The following ADGRL1 variants were observed in gnomAD, a reference collection of about 807,000 sequenced individuals.
ADGRL1 encodes adhesion G protein-coupled receptor L1.
ADGRL1 carries 31 observed loss-of-function variants against 148.9 expected under a neutral mutation model. The observed-to-expected ratio is 0.21, with a 90% CI of 0.16 to 0.28. ADGRL1 has a LOEUF of 0.28. Ranked by LOEUF, ADGRL1 falls within the 10% of genes least tolerant of loss-of-function variation. The pLI is 1.00. For synonymous variants in ADGRL1, 937 were observed against 900.3 expected, an observed-to-expected ratio of 1.04 and a Z score of -0.73; for missense variants, 1,521 against 2,058.8, an observed-to-expected ratio of 0.74 and a Z score of 5.05.
In ADGRL1 at chr19:14,160,016, G is replaced by C. The variant is rs1180488437; in HGVS notation, c.1800+96C>G. ...CCTCTCTGAGGAAAGGAGTGGAGGT[G>C]GCAGCCTGGCTGGGAGGTACCAGGT... is the stretch of plus-strand genomic sequence containing the variant. On this transcript the variant is annotated intron_variant, in intron 8 of 22. Coordinates refer to ENST00000361434, the MANE Select transcript of ADGRL1 (RefSeq NM_014921.5). The surrounding 1 kb of genome is among the most constrained non-coding windows in gnomAD (Gnocchi z 5.9). 34 of 1,317,326 alleles carry C rather than the reference G, an allele frequency of 2.6e-5. No individual in the cohort carries two copies. Among genetic ancestry groups the C allele is most frequent in the Non-Finnish European group, 3.2e-5 (31 of 970,384 alleles). The allele number at this position is 1,317,326 out of a possible 1,614,324, so 81.6% of individuals were successfully genotyped here. A position where few individuals can be genotyped will look rare whatever the true frequency, so the allele number is the denominator to read the frequency against.
At chr19:14,202,417 T>C (rs1972673593) in intron 1 of ADGRL1, among the ~76,000 whole-genome samples, 1 of 152,000 alleles carries the variant, frequency 6.6e-6, no homozygotes, top group Non-Finnish European at 1.5e-5. Flanking sequence ...CACGCCTGGC[T>C]AATTTCTGTA....
chr19:14,160,780 C>T lies in ADGRL1; in HGVS notation c.1511-84G>A. ...GGACAGAGAGGGGGAAAGGAGATGA[C>T]AGAGAGTGGGGGACGAGCGGGCGAA... On this transcript the variant is annotated intron_variant, in intron 6 of 22. Transcript: ENST00000361434. The surrounding 1 kb of genome is among the most constrained non-coding windows in gnomAD (Gnocchi z 5.9). 1 of 799,912 alleles carries T rather than the reference C, an allele frequency of 1.3e-6. No individual in the cohort carries two copies. The highest frequency in any genetic ancestry group is 1.4e-5 in the South Asian group (1 of 70,498). The allele number at this position is 799,912 out of a possible 1,614,324, so 49.6% of individuals were successfully genotyped here.
intron 15 of ADGRL1, 53 bp downstream of exon 15, chr19:14,156,872 C>G (rs766767599): frequency 2.1e-5 from 33 of 1,584,242 alleles, no homozygotes; most frequent in Middle Eastern, 2.0e-4. Flanking sequence ...CAAGGGGTGC[C>G]GCCCAGCAGG....
chr19:14,166,274 C>A (rs1021399153), intron 4 of ADGRL1, among the ~76,000 whole-genome samples: 1 of 148,902 alleles, frequency 6.7e-6, no homozygotes, highest in Admixed American at 6.7e-5. Flanking sequence ...TGGCAGGCTG[C>A]CCCCTCCCAG....
At position 14,163,307 on chromosome 19, in the gene ADGRL1, G is replaced by A. The variant is rs752709489; in HGVS notation, c.494C>T (p.Ala165Val). The A allele has an allele frequency of 3.7e-5, 60 of 1,613,258 alleles. No homozygotes were observed. The highest frequency in any genetic ancestry group is 4.5e-5 in the Non-Finnish European group (53 of 1,179,920). ...GGGCATCACGTAGATGCGGTCACCC[G>A]CCTGCAGCGGGTCCTTGCACCATGC... ...SGAWCKDPLQ[A>V]GDRIYVMPWI... The change falls in exon 5 of 23, where the codon GCG (alanine) becomes GTG (valine). Residue 165 changes from alanine (A) to valine (V), a missense_variant. Physicochemically the swap from Ala to Val is moderately conservative, Grantham distance 64. Around this residue, in one of 8 missense-constraint regions of ADGRL1, gnomAD observed 334 missense variants for 512.5 expected, o/e 0.65. Coordinates refer to ENST00000361434, the MANE Select transcript of ADGRL1 (RefSeq NM_014921.5).
chr19:14,166,804 G>A (rs919483872), intron 4 of ADGRL1, among the ~76,000 whole-genome samples: 3 of 152,176 alleles, frequency 2.0e-5, no homozygotes, highest in Admixed American at 2.0e-4. Flanking sequence ...CAAGCTCAGA[G>A]AGGAGCTTCC....
At position 14,149,944 on chromosome 19, in the gene ADGRL1, T is replaced by G. The variant is rs1968000603; in HGVS notation, c.*929A>C. ...TTTCTTTTTTTTTTTTTTTGTCTTT[T>G]TTTTTTCTTTTCCATTTCGTTGAAA... On this transcript the variant is annotated 3_prime_UTR_variant, in exon 23 of 23. Transcript: ENST00000361434. 6.7e-6 allele frequency: 1 copy of G among 150,032 alleles called. No homozygotes were observed. Among genetic ancestry groups the G allele is most frequent in the Non-Finnish European group, 1.5e-5 (1 of 67,382 alleles). 9.3% of individuals were successfully genotyped at this position (150,032 alleles called of 1,614,324 possible). A position where few individuals can be genotyped will look rare whatever the true frequency, so the allele number is the denominator to read the frequency against.
At chr19:14,204,140 A>G (rs1972801822) in intron 1 of ADGRL1, among the ~76,000 whole-genome samples, 1 of 152,202 alleles carries the variant, frequency 6.6e-6, no homozygotes, top group Non-Finnish European at 1.5e-5. Context: ...TCTGAACGGC[A>G]TGGCAGACAA....
Position 14,149,054 on chromosome 19 carries a change from G to A in ADGRL1, c.*1819C>T, listed in dbSNP as rs1967882472. The stretch of plus-strand genomic sequence containing the variant: ...ATGGGGAGAGGTCAGAGCAGAGGTG[G>A]AGGGGCCACCTCTGGGGAAACGGCA... On this transcript the variant is annotated 3_prime_UTR_variant, in exon 23 of 23. Coordinates refer to ENST00000361434, the MANE Select transcript of ADGRL1 (RefSeq NM_014921.5). The A allele has an allele frequency of 6.5e-6, 1 of 152,734 alleles. No individual in the cohort carries two copies. The highest frequency in any genetic ancestry group is 2.4e-5 in the African/African-American group (1 of 41,422). The allele number at this position is 152,734 out of a possible 1,614,324, so 9.5% of individuals were successfully genotyped here. A position where few individuals can be genotyped will look rare whatever the true frequency, so the allele number is the denominator to read the frequency against.
chr19:14,177,433 G>T, intron 3 of ADGRL1, 98 bp downstream of exon 3: 1 of 1,099,040 alleles, frequency 9.1e-7, no homozygotes, highest in Non-Finnish European at 1.4e-6. Context: ...TGTGTTGAAT[G>T]CATAAAAAAA....
Position 14,150,545 on chromosome 19 carries a change from G to T in ADGRL1, c.*328C>A. Reference sequence around the variant, plus strand: ...CCTCATTTCCCTTCACAGGGTAGAAGGGTGGGAGAGGGGAGAGTCTGGAAG... The same window carrying T: ...CCTCATTTCCCTTCACAGGGTAGAATGGTGGGAGAGGGGAGAGTCTGGAAG... On this transcript the variant is annotated 3_prime_UTR_variant, in exon 23 of 23. Transcript: ENST00000361434. The T allele has an allele frequency of 3.0e-6, 1 of 328,400 alleles. No homozygotes were observed. Among genetic ancestry groups the T allele is most frequent in the Non-Finnish European group, 5.6e-6 (1 of 177,510 alleles). The allele number at this position is 328,400 out of a possible 1,614,324, so 20.3% of individuals were successfully genotyped here.
In ADGRL1 at chr19:14,156,284, G is replaced by A. The variant is rs936956289; in HGVS notation, c.3034-83C>T. ...CACTGAGGCTAGGGCCCAGCCTGGC[G>A]AAATCTCAGCTGTGGCCCTCGCCTC... On this transcript the variant is annotated intron_variant, in intron 16 of 22. Transcript: ENST00000361434. The A allele has an allele frequency of 1.4e-4, 159 of 1,115,784 alleles. 2 individuals carry two copies. Among genetic ancestry groups the A allele is most frequent in the Middle Eastern group, 1.1e-3 (5 of 4,690 alleles). The allele number at this position is 1,115,784 out of a possible 1,614,324, so 69.1% of individuals were successfully genotyped here.
At chr19:14,170,985 G>A in intron 3 of ADGRL1, 194 bp from the exon 4 acceptor site, 1 of 545,514 alleles carries the variant, frequency 1.8e-6, no homozygotes, top group Non-Finnish European at 3.3e-6. Flanking sequence ...TCCAGTGTTG[G>A]AGGTGGGGCC....
rs1254162293 is a variant in ADGRL1 at position 14,149,922 on chromosome 19, CTTTTTTTTTTTTTTTGTCTTTTT to C, written c.*928_*950del. On this transcript the variant is annotated 3_prime_UTR_variant, in exon 23 of 23. Transcript: ENST00000361434. ...CAAGTGATGAGATTTTTTTTCTTTTCTTTTTTTTTTTTTTTGTCTTTTTTTTTTCTTTTCCATTTCGTTGAAAT... is the reference window on the plus strand; with the variant it reads ...CAAGTGATGAGATTTTTTTTCTTTTCTTTTTCTTTTCCATTTCGTTGAAAT... 1 of 122,724 alleles carries C rather than the reference CTTTTTTTTTTTTTTTGTCTTTTT, an allele frequency of 8.1e-6. No homozygotes were observed. Among genetic ancestry groups the C allele is most frequent in the Admixed American group, 8.1e-5 (1 of 12,378 alleles). 7.6% of individuals were successfully genotyped at this position (122,724 alleles called of 1,614,324 possible).
chr19:14,185,373 A>C (rs1261032576), intron 1 of ADGRL1, among the ~76,000 whole-genome samples: 1 of 152,056 alleles, frequency 6.6e-6, no homozygotes, highest in Admixed American at 6.6e-5. Flanking sequence ...GGCTCACTGC[A>C]ACCTCCAGAT....
chr19:14,186,959 T>C (rs1294467793), intron 1 of ADGRL1, among the ~76,000 whole-genome samples: 5 of 152,248 alleles, frequency 3.3e-5, no homozygotes, highest in Non-Finnish European at 7.4e-5. Context: ...CCGCCATCCT[T>C]TTCCCTGTTT....
intron 3 of ADGRL1, 40 bp downstream of exon 3, chr19:14,177,491 C>T (rs776513050): frequency 7.0e-6 from 11 of 1,572,004 alleles, no homozygotes; most frequent in South Asian, 1.1e-5. Context: ...TGCTTTTAGG[C>T]GGGCACTTCA....
chr19:14,181,368 G>A (rs1387604275), intron 2 of ADGRL1, among the ~76,000 whole-genome samples: 1 of 152,244 alleles, frequency 6.6e-6, no homozygotes, highest in Non-Finnish European at 1.5e-5. Flanking sequence ...AATCCCAGGG[G>A]TGAGGCCAGG....
chr19:14,200,280 G>A (rs538269407), intron 1 of ADGRL1, among the ~76,000 whole-genome samples: 25 of 152,274 alleles, frequency 1.6e-4, no homozygotes, highest in African/African-American at 6.0e-4. Context: ...GTGGGAGGAG[G>A]TGAGAGCAGG....
Sources: allele counts gnomAD v4.1 joint callset (sites outside exome capture counted in the v4.1 genomes callset), GRCh38; gene constraint gnomAD v4.1.1; regional missense constraint gnomAD v4.1.1; non-coding constraint Gnocchi (gnomAD v3.1); transcripts MANE v1.5; gene names NCBI Gene and HGNC (gene_info 2026-07-23, HGNC 2026-07-21).